Variants in SLC14A2 observed in about 807,000 individuals in gnomAD.
The protein encoded by SLC14A2 is solute carrier family 14 member 2.
In SLC14A2, 91 loss-of-function variants were observed where a neutral mutation model predicts 104.6. The observed-to-expected ratio is 0.87, with a 90% CI of 0.73 to 1.04. The LOEUF is 1.04. Among genes scored for constraint, SLC14A2 ranks in the 50% least tolerant of loss-of-function variants. The probability of loss-of-function intolerance (pLI) is 0.00; values close to 1 mark genes in which losing one functional copy is unlikely to be tolerated. For synonymous variants in SLC14A2, 476 were observed against 466.4 expected (o/e 1.02, Z -0.27); for missense variants, 1,189 against 1,156.0 (o/e 1.03, Z -0.41).
At chr18:45,320,668 T>C (rs905499375) in intron 1 of SLC14A2, among the ~76,000 whole-genome samples, 1 of 152,140 alleles carries the variant, frequency 6.6e-6, no homozygotes, top group Non-Finnish European at 1.5e-5. Context: ...TGAAGTTCAG[T>C]TAAGGACCCA....
chr18:45,259,524 A>T (rs1239759560), intron 1 of SLC14A2, among the ~76,000 whole-genome samples: 1 of 152,178 alleles, frequency 6.6e-6, no homozygotes, highest in Non-Finnish European at 1.5e-5. Context: ...TTTGGCCAGA[A>T]ATAATTTAGA....
chr18:45,411,606 C>T (rs1276755571), intron 1 of SLC14A2, among the ~76,000 whole-genome samples: 1 of 152,164 alleles, frequency 6.6e-6, no homozygotes, highest in Admixed American at 6.5e-5. Context: ...CCAAAACATA[C>T]ACCCAGTTTC....
At chr18:45,506,965 A>T (rs914807431) in intron 2 of SLC14A2, among the ~76,000 whole-genome samples, 24 of 152,128 alleles carry the variant, frequency 1.6e-4, no homozygotes, top group East Asian at 3.9e-4. Context: ...AGGGGATATC[A>T]CCACTCACCA....
intron 1 of SLC14A2, among the ~76,000 whole-genome samples, chr18:45,419,949 A>G (rs1341149258): frequency 6.6e-6 from 1 of 152,184 alleles, no homozygotes; most frequent in Non-Finnish European, 1.5e-5. Flanking sequence ...CATGTTACCT[A>G]AAGCTGCATA....
chr18:45,640,635 A>G (rs2045509471), intron 7 of SLC14A2, among the ~76,000 whole-genome samples: 1 of 152,174 alleles, frequency 6.6e-6, no homozygotes, highest in African/African-American at 2.4e-5. Flanking sequence ...TATTTTTCAA[A>G]GATTTTTTTG....
chr18:45,255,450 T>G (rs2084467188), intron 1 of SLC14A2, among the ~76,000 whole-genome samples: 2 of 152,210 alleles, frequency 1.3e-5, no homozygotes, highest in Admixed American at 6.5e-5. Flanking sequence ...TGTCCGGGGC[T>G]CCATTGTCCA....
chr18:45,611,648 A>T (rs1429251473), upstream of SLC14A2, among the ~76,000 whole-genome samples: 1 of 152,234 alleles, frequency 6.6e-6, no homozygotes, highest in East Asian at 1.9e-4. Flanking sequence ...GCCCACAGTC[A>T]TTGGATGAGG....
At chr18:45,548,187 A>C (rs1261970051) in intron 2 of SLC14A2, among the ~76,000 whole-genome samples, 1 of 152,230 alleles carries the variant, frequency 6.6e-6, no homozygotes, top group Non-Finnish European at 1.5e-5. Context: ...AAAAGGAAAC[A>C]GGAAAGCAGG....
chr18:45,547,950 G>A (rs774548446), intron 2 of SLC14A2, among the ~76,000 whole-genome samples: 2 of 152,194 alleles, frequency 1.3e-5, no homozygotes, highest in Non-Finnish European at 2.9e-5. Flanking sequence ...GGTGGGCAGC[G>A]TCGGCTAGGA....
chr18:45,544,786 C>CT (rs71373715), intron 2 of SLC14A2, among the ~76,000 whole-genome samples: 2,356 of 88,802 alleles, frequency 0.027, 37 homozygotes, highest in African/African-American at 0.041. Flanking sequence ...TCAATAATGT[C>CT]TTTTTTTTTT....
the SLC14A2 span, among the ~76,000 whole-genome samples, chr18:45,202,289 A>G: frequency 1.3e-5 from 2 of 152,230 alleles, no homozygotes; most frequent in East Asian, 3.9e-4. Context: ...TTCATTTCCA[A>G]AGGCAAGGAA....
intron 1 of SLC14A2, among the ~76,000 whole-genome samples, chr18:45,460,194 G>T (rs546460334): frequency 1.7e-4 from 26 of 152,222 alleles, no homozygotes; most frequent in Non-Finnish European, 3.4e-4. Flanking sequence ...CCCAATGATG[G>T]CTCTACCATG....
At chr18:45,385,379 T>C (rs1351776271) in intron 1 of SLC14A2, among the ~76,000 whole-genome samples, 2 of 152,140 alleles carry the variant, frequency 1.3e-5, no homozygotes, top group African/African-American at 4.8e-5. Context: ...GTCAAAATCT[T>C]CCTAAGAAAC....
intron 2 of SLC14A2, among the ~76,000 whole-genome samples, chr18:45,565,759 G>A (rs1473687827): frequency 3.3e-5 from 5 of 152,162 alleles, no homozygotes; most frequent in Non-Finnish European, 5.9e-5. Context: ...TTCTCCACAG[G>A]CAGAGTGCCC....
intron 1 of SLC14A2, among the ~76,000 whole-genome samples, chr18:45,458,766 G>A (rs1176839406): frequency 6.6e-6 from 1 of 152,152 alleles, no homozygotes; most frequent in Admixed American, 6.5e-5. Flanking sequence ...CTGAGTCCCA[G>A]TGTCCTCAAA....
At chr18:45,257,291 CT>C (rs1365862338) in intron 1 of SLC14A2, among the ~76,000 whole-genome samples, 1 of 152,208 alleles carries the variant, frequency 6.6e-6, no homozygotes, top group Non-Finnish European at 1.5e-5. Flanking sequence ...ATGATGGACA[CT>C]GAGGAGTTTT....
chr18:45,321,085 G>T (rs974136390), intron 1 of SLC14A2, among the ~76,000 whole-genome samples: 23 of 152,230 alleles, frequency 1.5e-4, no homozygotes, highest in African/African-American at 5.5e-4. Flanking sequence ...CAGGAGAACT[G>T]GTTGGGAGAA....
chr18:45,523,350 G>A (rs1460829285), intron 2 of SLC14A2, among the ~76,000 whole-genome samples: 1 of 151,734 alleles, frequency 6.6e-6, no homozygotes, highest in East Asian at 1.9e-4. Flanking sequence ...TTTGTTTTGA[G>A]ATGGAATCTC....
intron 1 of SLC14A2, among the ~76,000 whole-genome samples, chr18:45,244,848 C>A (rs1191249243): frequency 2.0e-5 from 3 of 152,156 alleles, no homozygotes; most frequent in African/African-American, 7.2e-5. Flanking sequence ...AAGGAAGACC[C>A]AATTGTCTCA....
Sources: gnomAD v4.1 joint callset for allele counts (sites outside exome capture counted in the v4.1 genomes callset) on GRCh38, gnomAD v4.1.1 for gene constraint, MANE v1.5 for transcripts, NCBI Gene and HGNC (gene_info 2026-07-23, HGNC 2026-07-21) for gene names.